The following ERBB2 variants were observed in gnomAD, a reference collection of about 807,000 sequenced individuals.
ERBB2 encodes the protein receptor tyrosine-protein kinase erbB-2.
In ERBB2, 61 loss-of-function variants were observed where a neutral mutation model predicts 149.0. That is an observed-to-expected ratio of 0.41 (90% confidence interval 0.33 to 0.51). The LOEUF (loss-of-function observed/expected upper bound fraction) is 0.51, where lower values mean the gene tolerates loss of function less well. Among genes scored for constraint, ERBB2 ranks in the 20% least tolerant of loss-of-function variants. The pLI is 0.25. For synonymous variants in ERBB2, 633 were observed against 678.8 expected, an observed-to-expected ratio of 0.93 and a Z score of 1.05; for missense variants, 1,205 against 1,655.1, an observed-to-expected ratio of 0.73 and a Z score of 4.72.
chr17:39,690,420 T>C (rs2057670183), upstream of ERBB2, among the ~76,000 whole-genome samples: 1 of 152,240 alleles, frequency 6.6e-6, no homozygotes, highest in Non-Finnish European at 1.5e-5. Flanking sequence ...TCTTATATTT[T>C]AGAACTAACA....
Position 39,700,192 on chromosome 17 carries a change from C to T in ERBB2, c.-47C>T, listed in dbSNP as rs2145265000. ...CAGCACCCCGCGCCCCGCGCCCTCC[C>T]AGCCGGGTCCAGCCGGAGCCATGGG... is the stretch of plus-strand genomic sequence containing the variant. On this transcript the variant is annotated 5_prime_UTR_variant, in exon 1 of 27. Transcript: ENST00000269571. The T allele has an allele frequency of 7.2e-7, 1 of 1,392,426 alleles. No individual in the cohort carries two copies. The allele number at this position is 1,392,426 out of a possible 1,614,324, so 86.3% of individuals were successfully genotyped here. A position where few individuals can be genotyped will look rare whatever the true frequency, so the allele number is the denominator to read the frequency against.
rs2059898830 is a variant in ERBB2 at position 39,728,527 on chromosome 17, A to G, written c.*483A>G. On this transcript the variant is annotated 3_prime_UTR_variant, in exon 27 of 27. Coordinates refer to ENST00000269571, the MANE Select transcript of ERBB2 (RefSeq NM_004448.4). ...CAGAGTGCTTTTCTGTTTAGTTTTT[A>G]CTTTTTTTGTTTTGTTTTTTTAAAG... The G allele has an allele frequency of 8.5e-6, 2 of 235,860 alleles. No individual in the cohort carries two copies. Among genetic ancestry groups the G allele is most frequent in the Non-Finnish European group, 1.7e-5 (2 of 120,154 alleles). The allele number at this position is 235,860 out of a possible 1,614,324, so 14.6% of individuals were successfully genotyped here.
intron 2 of ERBB2, among the ~76,000 whole-genome samples, chr17:39,689,463 C>T (rs956985520): frequency 1.2e-4 from 19 of 152,100 alleles, no homozygotes; most frequent in African/African-American, 4.6e-4. Context: ...AGTTCTTTTA[C>T]AATACTGTTT....
chr17:39,691,574 T>TATATATACACAC (rs1244087250), upstream of ERBB2, among the ~76,000 whole-genome samples: 40 of 122,042 alleles, frequency 3.3e-4, no homozygotes, highest in African/African-American at 1.5e-3. Context: ...TATATATATA[T>TATATATACACAC]ACACACACAC....
chr17:39,720,498 T>A (rs151086431), intron 16 of ERBB2, among the ~76,000 whole-genome samples: 126 of 151,672 alleles, frequency 8.3e-4, no homozygotes, highest in Non-Finnish European at 1.5e-3. Context: ...CAGACTGGAG[T>A]CTGTCTTAGG....
intron 2 of ERBB2, chr17:39,707,455 C>T (rs4252612): frequency 0.048 from 13,040 of 270,942 alleles, 371 homozygotes; most frequent in Middle Eastern, 0.063. Flanking sequence ...CTCCCACTTA[C>T]AGCAGAAGAA....
intron 1 of ERBB2, among the ~76,000 whole-genome samples, chr17:39,704,994 C>A (rs945614477): frequency 2.6e-5 from 4 of 152,132 alleles, no homozygotes; most frequent in African/African-American, 9.7e-5. Flanking sequence ...AATGTGGGAT[C>A]TGAAGGCAGG....
chr17:39,717,569 C>A (rs2059207260), intron 15 of ERBB2, 89 bp downstream of exon 15: 1 of 1,065,072 alleles, frequency 9.4e-7, no homozygotes, highest in Admixed American at 2.6e-5. Context: ...ACCAACTCTC[C>A]CTTTGTCATA....
chr17:39,727,064 A>C lies in ERBB2; in HGVS notation c.3159+61A>C. On this transcript the variant is annotated intron_variant, in intron 25 of 26. Transcript: ENST00000269571. This position sits in a 1 kb window ranked among gnomAD's most constrained non-coding sequence, Gnocchi z 4.3. ...TTACCTCCCCCAACCCCGGTGGACTAGGGTCCCTTTCTCTGATGTTCCCTC... is the reference window on the plus strand; with the variant it reads ...TTACCTCCCCCAACCCCGGTGGACTCGGGTCCCTTTCTCTGATGTTCCCTC... The C allele has an allele frequency of 6.9e-7, 1 of 1,441,606 alleles. No individual in the cohort carries two copies. Among genetic ancestry groups the C allele is most frequent in the Non-Finnish European group, 9.4e-7 (1 of 1,068,628 alleles). 89.3% of individuals were successfully genotyped at this position (1,441,606 alleles called of 1,614,324 possible).
chr17:39,691,973 C>T (rs560733051), upstream of ERBB2, among the ~76,000 whole-genome samples: 34 of 134,992 alleles, frequency 2.5e-4, no homozygotes, highest in Non-Finnish European at 3.1e-4. Context: ...TGTGTCTCAG[C>T]CTCCCGAGTA....
chr17:39,724,230 T>A lies in ERBB2; in HGVS notation c.2307+220T>A, dbSNP rs1190213444. On this transcript the variant is annotated intron_variant, in intron 19 of 26. Transcript: ENST00000269571. ...ACCTCCTGGACTCAAGCGATTTTCA[T>A]GCCTCAGGCTCCTGAGTAGCTGGGA... is the stretch of plus-strand genomic sequence containing the variant. Among the ~76,000 whole-genome samples the A allele has an allele frequency of 3.4e-5, 5 of 148,668 alleles. No homozygotes were observed. In the East Asian group the frequency reaches 1.0e-3, roughly 30 times the overall value.
Position 39,723,526 on chromosome 17 carries a change from C to A in ERBB2, c.2086-12C>A, listed in dbSNP as rs2059565009. 6.2e-7 allele frequency: 1 copy of A among 1,612,722 alleles called. No individual in the cohort carries two copies. The highest frequency in any genetic ancestry group is 8.5e-7 in the Non-Finnish European group (1 of 1,179,408). On this transcript the variant is annotated splice_polypyrimidine_tract_variant and intron_variant, in intron 17 of 26. Coordinates refer to ENST00000269571, the MANE Select transcript of ERBB2 (RefSeq NM_004448.4). The surrounding 1 kb of genome is among the most constrained non-coding windows in gnomAD (Gnocchi z 6.2). ...CGGCCCCCGGCACTGACCCACCACC[C>A]CCTCACCCCAGCTGGTGGAGCCGCT... is the stretch of plus-strand genomic sequence containing the variant.
intron 3 of ERBB2, among the ~76,000 whole-genome samples, 197 bp downstream of exon 3, chr17:39,708,731 A>G (rs886484551): frequency 2.6e-5 from 4 of 152,220 alleles, no homozygotes. Flanking sequence ...GCGTCAGCAC[A>G]TATAATTCAA....
At chr17:39,691,472 AGTT>A (rs1301002319), upstream of ERBB2, among the ~76,000 whole-genome samples, 1 of 150,514 alleles carries the variant, frequency 6.6e-6, no homozygotes, top group Admixed American at 6.6e-5. Context: ...TGAACCAGGG[AGTT>A]GGAGGTTGCA....
In ERBB2 at chr17:39,708,507, C is replaced by T. The variant is rs779156384; in HGVS notation, c.412C>T (p.Arg138Trp). Residue 138 changes from arginine (R) to tryptophan (W), a missense_variant, in exon 3 of 27, where the codon CGG (arginine) becomes TGG (tryptophan). By Grantham distance (101) the Arg-to-Trp change is moderately radical. Transcript: ENST00000269571. Reference protein sequence around the residue: ...PVTGASPGGLRELQLRSLTEI... With the variant: ...PVTGASPGGLWELQLRSLTEI... ...CACAGGGGCCTCCCCAGGAGGCCTG[C>T]GGGAGCTGCAGCTTCGAAGCCTCAC... 13 of 1,613,786 alleles carry T rather than the reference C, an allele frequency of 8.1e-6. No individual in the cohort carries two copies. The highest frequency in any genetic ancestry group is 2.7e-5 in the African/African-American group (2 of 74,916).
At chr17:39,704,516 T>G (rs1358317456) in intron 1 of ERBB2, among the ~76,000 whole-genome samples, 5 of 152,058 alleles carry the variant, frequency 3.3e-5, no homozygotes, top group Admixed American at 1.3e-4. Flanking sequence ...GAGGTTGCAG[T>G]GAGCCGAGAT....
intron 12 of ERBB2, 21 bp from the exon 13 acceptor site, chr17:39,716,280 G>A (rs2145672618): frequency 7.7e-6 from 12 of 1,561,160 alleles, no homozygotes; most frequent in Non-Finnish European, 9.5e-6. Flanking sequence ...GTCCCCTGCG[G>A]TCCCTTCCTC....
At chr17:39,720,516 C>T (rs750810697) in intron 16 of ERBB2, among the ~76,000 whole-genome samples, 1 of 152,096 alleles carries the variant, frequency 6.6e-6, no homozygotes, top group Non-Finnish European at 1.5e-5. Flanking sequence ...AGGCGATCAT[C>T]GGTCCGTGAA....
intron 9 of ERBB2, among the ~76,000 whole-genome samples, chr17:39,714,243 A>G (rs915597176): frequency 1.3e-5 from 2 of 152,108 alleles, no homozygotes; most frequent in South Asian, 2.1e-4. Context: ...ATGGGAACAT[A>G]TAGGGAGCAC....
Sources: allele counts gnomAD v4.1 joint callset (sites outside exome capture counted in the v4.1 genomes callset), GRCh38; gene constraint gnomAD v4.1.1; non-coding constraint Gnocchi (gnomAD v3.1); transcripts MANE v1.5; gene names NCBI Gene and HGNC (gene_info 2026-07-23, HGNC 2026-07-21).